The following SYT1 variants were observed in gnomAD, a reference collection of about 807,000 sequenced individuals.
SYT1 encodes synaptotagmin-1.
In SYT1, 8 loss-of-function variants were observed where a neutral mutation model predicts 44.8. The observed-to-expected ratio is 0.18, with a 90% CI of 0.10 to 0.32. The LOEUF is 0.32. Among genes scored for constraint, SYT1 ranks in the 10% least tolerant of loss-of-function variants. The probability of loss-of-function intolerance (pLI) is 1.00; values close to 1 mark genes in which losing one functional copy is unlikely to be tolerated. For missense variants in SYT1, 286 were observed against 509.3 expected, an observed-to-expected ratio of 0.56 and a Z score of 4.22; for synonymous variants, 154 against 188.8, an observed-to-expected ratio of 0.82 and a Z score of 1.51.
intron 1 of SYT1, among the ~76,000 whole-genome samples, chr12:78,903,907 A>G (rs1875806506): frequency 6.6e-6 from 1 of 151,976 alleles, no homozygotes; most frequent in Non-Finnish European, 1.5e-5. Context: ...CTAGAGGACA[A>G]TTCTCTTACC....
chr12:79,039,397 T>C (rs1181895156), intron 2 of SYT1, among the ~76,000 whole-genome samples: 1 of 151,994 alleles, frequency 6.6e-6, no homozygotes, highest in Non-Finnish European at 1.5e-5. Context: ...ACCAATTACA[T>C]TACTGAAACA....
At chr12:79,052,966 A>G (rs1283838273) in intron 3 of SYT1, among the ~76,000 whole-genome samples, 2 of 152,164 alleles carry the variant, frequency 1.3e-5, no homozygotes, top group African/African-American at 2.4e-5. Context: ...TCAGGGATCT[A>G]GAACTAGAAA....
At chr12:79,395,514 T>C (rs1884832861) in intron 9 of SYT1, among the ~76,000 whole-genome samples, 1 of 152,152 alleles carries the variant, frequency 6.6e-6, no homozygotes, top group Non-Finnish European at 1.5e-5. Flanking sequence ...CCACCATGCC[T>C]AGCCCCAGAG....
At chr12:78,876,613 A>G (rs1874091459) in intron 1 of SYT1, among the ~76,000 whole-genome samples, 2 of 138,652 alleles carry the variant, frequency 1.4e-5, no homozygotes, top group African/African-American at 5.3e-5. Context: ...GTAAATATAT[A>G]CACATATGTA....
chr12:79,308,652 G>GAAAGAAAGAAAGAAAGAAAGAAAGA (rs1565901646), intron 8 of SYT1, among the ~76,000 whole-genome samples: 14 of 108,888 alleles, frequency 1.3e-4, no homozygotes, highest in African/African-American at 5.0e-4. Flanking sequence ...AAGAAAGAAA[G>GAAAGAAAGAAAGAAAGAAAGAAAGA]AAAGAAAAGA....
chr12:79,139,322 TCTGAACTCA>T (rs1314613076), intron 3 of SYT1, among the ~76,000 whole-genome samples: 1 of 152,152 alleles, frequency 6.6e-6, no homozygotes, highest in African/African-American at 2.4e-5. Context: ...GGAGCTTCAT[TCTGAACTCA>T]CCATGCTTGA....
intron 9 of SYT1, among the ~76,000 whole-genome samples, chr12:79,379,441 C>T (rs1018786780): frequency 1.3e-5 from 2 of 152,120 alleles, no homozygotes; most frequent in African/African-American, 4.8e-5. Flanking sequence ...CCTGAAAATA[C>T]ATACGGGTTT....
intron 8 of SYT1, among the ~76,000 whole-genome samples, chr12:79,334,938 G>A (rs1337543236): frequency 2.6e-5 from 4 of 152,066 alleles, no homozygotes; most frequent in Admixed American, 6.6e-5. Context: ...CATTCACAAA[G>A]CTGGTCTTTT....
At position 79,173,717 on chromosome 12, in the gene SYT1, C is replaced by T. The variant is rs1046371279; in HGVS notation, c.-17-43786C>T. Among the ~76,000 whole-genome samples the T allele has an allele frequency of 2.6e-5, 4 of 151,984 alleles. No individual in the cohort carries two copies. The East Asian group carries it at 5.8e-4, about 22-fold the overall frequency. On this transcript the variant is annotated intron_variant, in intron 3 of 10. Coordinates refer to ENST00000261205, the MANE Select transcript of SYT1 (RefSeq NM_005639.3). ...GGCTACCATAAGGAGCCTTGTAAAA[C>T]GTCCAGAAGAAATAACTAGAAGAAT...
intron 1 of SYT1, among the ~76,000 whole-genome samples, chr12:78,899,483 C>T (rs907732052): frequency 2.6e-5 from 4 of 151,724 alleles, no homozygotes; most frequent in South Asian, 2.1e-4. Context: ...GTATTAAATA[C>T]ATATGAATGT....
intron 3 of SYT1, among the ~76,000 whole-genome samples, chr12:79,196,021 G>C (rs1873430094): frequency 1.3e-5 from 2 of 152,262 alleles, no homozygotes; most frequent in South Asian, 4.2e-4. Flanking sequence ...TGCAGCTTCT[G>C]TGTGCCAAGT....
rs1025695546 is a variant in SYT1, at chr12:79,425,055, AT to A, written c.929-19017del. Among the ~76,000 whole-genome samples, 17 of 151,386 alleles carry A rather than the reference AT, an allele frequency of 1.1e-4. 1 individual carries two copies. Among genetic ancestry groups the A allele is most frequent in the African/African-American group, 4.1e-4 (17 of 41,244 alleles). ...GTTCATAGAAGCAGCAAATAACAATATAAGCCAAATGTTACCCCAAAGAGGT... is the reference window on the plus strand; with the variant it reads ...GTTCATAGAAGCAGCAAATAACAATAAAGCCAAATGTTACCCCAAAGAGGT... On this transcript the variant is annotated intron_variant, in intron 9 of 10. Coordinates refer to ENST00000261205, the MANE Select transcript of SYT1 (RefSeq NM_005639.3).
chr12:79,235,090 G>A (rs992464002), intron 4 of SYT1, among the ~76,000 whole-genome samples: 2 of 152,086 alleles, frequency 1.3e-5, no homozygotes, highest in African/African-American at 2.4e-5. Flanking sequence ...TTATGTTTTC[G>A]TTTCTCTTAG....
intron 3 of SYT1, among the ~76,000 whole-genome samples, chr12:79,067,542 A>G (rs1379353194): frequency 6.6e-6 from 1 of 152,204 alleles, no homozygotes; most frequent in Non-Finnish European, 1.5e-5. Context: ...AATTTCTTCA[A>G]ATGCTAAGAT....
At chr12:79,130,053 T>C (rs566394356) in intron 3 of SYT1, among the ~76,000 whole-genome samples, 27 of 152,328 alleles carry the variant, frequency 1.8e-4, no homozygotes, top group African/African-American at 6.5e-4. Flanking sequence ...AAGTAAACTT[T>C]TTTCATTGTA....
At chr12:78,975,229 A>C (rs566750245) in intron 1 of SYT1, among the ~76,000 whole-genome samples, 28 of 151,938 alleles carry the variant, frequency 1.8e-4, no homozygotes, top group Admixed American at 1.6e-3. Flanking sequence ...GTCTTTACCT[A>C]TCCTTTGGGA....
intron 9 of SYT1, among the ~76,000 whole-genome samples, chr12:79,401,565 T>C (rs1885066993): frequency 6.6e-6 from 1 of 152,186 alleles, no homozygotes; most frequent in Admixed American, 6.5e-5. Flanking sequence ...AATGAATTTC[T>C]GTAGAAAGAA....
intron 3 of SYT1, among the ~76,000 whole-genome samples, chr12:79,205,882 T>G (rs187180799): frequency 6.6e-6 from 1 of 152,032 alleles, no homozygotes; most frequent in South Asian, 2.1e-4. Context: ...TTTGTTTAAA[T>G]TTTTTTTAAG....
rs1019967907 is a variant in SYT1, at chr12:79,250,795, A to G, written c.166+33110A>G. The stretch of plus-strand genomic sequence containing the variant: ...GAAGTAGCCACCTACCCTGGCTTCC[A>G]CAAAGCTGGACACCAAAGGGCAAAT... On this transcript the variant is annotated intron_variant, in intron 4 of 10. Transcript: ENST00000261205. Among the ~76,000 whole-genome samples the G allele has an allele frequency of 3.7e-4, 57 of 152,224 alleles. 1 individual carries two copies. Among genetic ancestry groups the G allele is most frequent in the Non-Finnish European group, 1.3e-4 (9 of 68,038 alleles).
Sources: allele counts gnomAD v4.1 joint callset (sites outside exome capture counted in the v4.1 genomes callset), GRCh38; gene constraint gnomAD v4.1.1; transcripts MANE v1.5; gene names NCBI Gene and HGNC (gene_info 2026-07-23, HGNC 2026-07-21).